The following LRRTM3 variants were observed in gnomAD, a reference collection of about 807,000 sequenced individuals.
The protein encoded by LRRTM3 is leucine rich repeat transmembrane neuronal 3, also known as leucine-rich repeat transmembrane neuronal protein 3.
LRRTM3 carries 24 observed loss-of-function variants against 44.7 expected under a neutral mutation model. That is an observed-to-expected ratio of 0.54 (90% CI 0.39 to 0.76). The LOEUF is 0.76. Ranked by LOEUF, LRRTM3 falls within the 30% of genes least tolerant of loss-of-function variation. The pLI is 0.00. For missense variants in LRRTM3, 587 were observed against 702.2 expected, an observed-to-expected ratio of 0.84 and a Z score of 1.85; for synonymous variants, 277 against 278.7, an observed-to-expected ratio of 0.99 and a Z score of 0.06.
At chr10:66,959,957 AAAC>A (rs1456168954) in intron 2 of LRRTM3, among the ~76,000 whole-genome samples, 1 of 152,156 alleles carries the variant, frequency 6.6e-6, no homozygotes, top group Non-Finnish European at 1.5e-5. Flanking sequence ...GCAACACCTC[AAAC>A]AACAGATCCT....
At chr10:67,009,007 C>T (rs1852171830) in intron 2 of LRRTM3, among the ~76,000 whole-genome samples, 2 of 152,100 alleles carry the variant, frequency 1.3e-5, no homozygotes, top group East Asian at 1.9e-4. Context: ...AATTTTTACA[C>T]ATAATTCTAT....
chr10:66,932,404 C>G (rs1003588842), intron 2 of LRRTM3, among the ~76,000 whole-genome samples: 11 of 152,064 alleles, frequency 7.2e-5, no homozygotes, highest in Non-Finnish European at 1.5e-4. Flanking sequence ...AAAGTGAGTT[C>G]CAGACATGGC....
chr10:66,931,364 A>G (rs1025828351), intron 2 of LRRTM3, among the ~76,000 whole-genome samples: 3 of 152,218 alleles, frequency 2.0e-5, no homozygotes, highest in Non-Finnish European at 2.9e-5. Context: ...GTAGTTAAAT[A>G]GTCCCAGTGC....
At chr10:67,081,906 T>C (rs1020750552) in intron 2 of LRRTM3, among the ~76,000 whole-genome samples, 24 of 152,204 alleles carry the variant, frequency 1.6e-4, no homozygotes, top group Admixed American at 4.6e-4. Flanking sequence ...TCACTAGTTA[T>C]GTTTATATGC....
chr10:67,003,244 G>A (rs780449235), intron 2 of LRRTM3, among the ~76,000 whole-genome samples: 21 of 152,116 alleles, frequency 1.4e-4, no homozygotes, highest in South Asian at 4.1e-4. Context: ...GGGAATAAAC[G>A]AAATTAATGT....
intron 2 of LRRTM3, among the ~76,000 whole-genome samples, chr10:66,984,164 T>A (rs1326952036): frequency 6.6e-6 from 1 of 152,174 alleles, no homozygotes; most frequent in East Asian, 1.9e-4. Flanking sequence ...AAAAAAACAC[T>A]TTTTAAGTCA....
At chr10:67,096,524 G>T (rs1858004255) in intron 2 of LRRTM3, among the ~76,000 whole-genome samples, 1 of 151,852 alleles carries the variant, frequency 6.6e-6, no homozygotes, top group Admixed American at 6.6e-5. Context: ...ATCCTCCAGA[G>T]AATTCAACAG....
intron 2 of LRRTM3, among the ~76,000 whole-genome samples, chr10:66,931,517 G>T (rs1045628203): frequency 1.3e-5 from 2 of 152,120 alleles, no homozygotes; most frequent in African/African-American, 2.4e-5. Context: ...AAGTAGACAG[G>T]CAGTAAATTG....
chr10:67,021,889 GA>G (rs572311746), intron 2 of LRRTM3, among the ~76,000 whole-genome samples: 5 of 152,286 alleles, frequency 3.3e-5, no homozygotes, highest in African/African-American at 1.2e-4. Context: ...AGGGATGAAT[GA>G]AAAGAAGGAT....
intron 2 of LRRTM3, among the ~76,000 whole-genome samples, chr10:66,968,738 C>T (rs866970064): frequency 1.3e-5 from 2 of 151,866 alleles, no homozygotes; most frequent in Non-Finnish European, 2.9e-5. Flanking sequence ...TATTTTTGGC[C>T]GGGCATGGTG....
At chr10:66,993,093 G>A (rs2204243) in intron 2 of LRRTM3, among the ~76,000 whole-genome samples, 71,169 of 151,916 alleles carry the variant, frequency 0.47, 17,205 homozygotes, top group African/African-American at 0.55. Flanking sequence ...GGCACTGGAC[G>A]ATCATGAGGT....
chr10:67,020,644 G>A (rs865880273), intron 2 of LRRTM3, among the ~76,000 whole-genome samples: 1 of 152,104 alleles, frequency 6.6e-6, no homozygotes, highest in Non-Finnish European at 1.5e-5. Flanking sequence ...TTACTTCAAC[G>A]AACTTAAAAT....
chr10:67,003,729 A>G (rs1423511301), intron 2 of LRRTM3, among the ~76,000 whole-genome samples: 3 of 152,206 alleles, frequency 2.0e-5, no homozygotes, highest in Non-Finnish European at 4.4e-5. Context: ...CCCAGGTCCT[A>G]TTCCTCTAGA....
At chr10:66,935,966 C>T (rs1026196475) in intron 2 of LRRTM3, among the ~76,000 whole-genome samples, 64 of 151,928 alleles carry the variant, frequency 4.2e-4, no homozygotes, top group African/African-American at 1.4e-3. Flanking sequence ...AAATAATTTC[C>T]GATGATTTAC....
At chr10:67,050,744 A>G (rs926919994) in intron 2 of LRRTM3, among the ~76,000 whole-genome samples, 2 of 152,200 alleles carry the variant, frequency 1.3e-5, no homozygotes, top group African/African-American at 4.8e-5. Flanking sequence ...ACTCGCATCA[A>G]ATTATTTACT....
intron 2 of LRRTM3, among the ~76,000 whole-genome samples, chr10:67,070,104 T>A (rs1270953541): frequency 1.3e-5 from 2 of 152,208 alleles, no homozygotes; most frequent in African/African-American, 4.8e-5. Context: ...CAGTGTGTAG[T>A]ATTATCACAT....
intron 2 of LRRTM3, among the ~76,000 whole-genome samples, chr10:66,991,465 T>G (rs1164470353): frequency 6.6e-6 from 1 of 152,204 alleles, no homozygotes; most frequent in Non-Finnish European, 1.5e-5. Context: ...ATTTTGATTT[T>G]TGAAGTAATT....
intron 2 of LRRTM3, among the ~76,000 whole-genome samples, chr10:66,939,869 G>C (rs573348157): frequency 1.3e-5 from 2 of 152,006 alleles, no homozygotes; most frequent in African/African-American, 2.4e-5. Context: ...CATTGTACTT[G>C]TAACAATCTT....
intron 2 of LRRTM3, among the ~76,000 whole-genome samples, chr10:66,954,443 A>T (rs1419033003): frequency 6.6e-6 from 1 of 152,144 alleles, no homozygotes; most frequent in East Asian, 1.9e-4. Flanking sequence ...CATTCAGGCA[A>T]AGGCAAGGCT....
Sources: allele counts gnomAD v4.1 joint callset (sites outside exome capture counted in the v4.1 genomes callset), GRCh38; gene constraint gnomAD v4.1.1; transcripts MANE v1.5; gene names NCBI Gene and HGNC (gene_info 2026-07-23, HGNC 2026-07-21).